The following GABRB2 variants were observed in gnomAD, a reference collection of about 807,000 sequenced individuals.
GABRB2 encodes gamma-aminobutyric acid type A receptor subunit beta2.
A neutral mutation model predicts 54.7 loss-of-function variants in GABRB2; 16 were observed. That is an observed-to-expected ratio of 0.29 (90% CI 0.20 to 0.44). The LOEUF is 0.44. GABRB2 is among the 20% of genes least tolerant of loss of function. The probability of loss-of-function intolerance (pLI) is 1.00; values close to 1 mark genes in which losing one functional copy is unlikely to be tolerated. For missense variants in GABRB2, 355 were observed against 644.0 expected (o/e 0.55, Z 4.86); for synonymous variants, 244 against 233.8 (o/e 1.04, Z -0.40).
At chr5:161,360,622 T>G (rs1279761894) in intron 5 of GABRB2, among the ~76,000 whole-genome samples, 1 of 152,152 alleles carries the variant, frequency 6.6e-6, no homozygotes, top group East Asian at 1.9e-4. Context: ...ATTGTTTTTA[T>G]GTAGAAATAT....
In GABRB2 at chr5:161,469,062, A is replaced by T. The variant is rs186698563; in HGVS notation, c.238-9218T>A. On this transcript the variant is annotated intron_variant, in intron 3 of 9. Coordinates refer to ENST00000393959, the MANE Select transcript of GABRB2 (RefSeq NM_001371727.1). ...ATATGTCCCAATTTGGGAAACATAC[A>T]TATAGATTGAGAAAATGTGTCCAAA... Among the ~76,000 whole-genome samples, 7 of 152,030 alleles carry T rather than the reference A, an allele frequency of 4.6e-5. No homozygotes were observed. In the East Asian group the frequency reaches 1.4e-3, roughly 29 times the overall value.
At chr5:161,363,715 G>C (rs906412925) in intron 5 of GABRB2, among the ~76,000 whole-genome samples, 4 of 151,798 alleles carry the variant, frequency 2.6e-5, no homozygotes, top group Admixed American at 2.6e-4. Context: ...AAAACAAAAA[G>C]AAACATTAGG....
chr5:161,545,197 A>C (rs188538461), intron 3 of GABRB2, 30 bp downstream of exon 3: 340 of 1,561,426 alleles, frequency 2.2e-4, no homozygotes, highest in Non-Finnish European at 2.9e-4. Flanking sequence ...GAAAGTTTGC[A>C]AAGAAGTAGT....
intron 4 of GABRB2, among the ~76,000 whole-genome samples, chr5:161,431,229 T>C (rs1393597328): frequency 6.6e-6 from 1 of 152,122 alleles, no homozygotes; most frequent in East Asian, 1.9e-4. Flanking sequence ...AGAGGATATA[T>C]ATGAAGTGCT....
At chr5:161,309,179 A>G (rs1034302943) in intron 9 of GABRB2, among the ~76,000 whole-genome samples, 5 of 152,224 alleles carry the variant, frequency 3.3e-5, no homozygotes, top group Non-Finnish European at 7.3e-5. Context: ...AAACAACTCT[A>G]TCAAAAAGTG....
chr5:161,387,563 G>A (rs1755685031), intron 5 of GABRB2, among the ~76,000 whole-genome samples: 1 of 152,164 alleles, frequency 6.6e-6, no homozygotes, highest in Non-Finnish European at 1.5e-5. Context: ...AATGTAAAGA[G>A]TGTCAGGTAT....
chr5:161,479,597 T>TG (rs200983043), intron 3 of GABRB2, among the ~76,000 whole-genome samples: 1,560 of 151,108 alleles, frequency 0.01, 25 homozygotes, highest in African/African-American at 0.035. Context: ...TTTTTTTTTT[T>TG]TTTTTTGAGG....
At chr5:161,441,834 G>A (rs1385638832) in intron 4 of GABRB2, among the ~76,000 whole-genome samples, 2 of 152,108 alleles carry the variant, frequency 1.3e-5, no homozygotes, top group African/African-American at 4.8e-5. Context: ...TATGTTAAGT[G>A]AATTAAGCCA....
chr5:161,420,626 G>C (rs1384489927), intron 4 of GABRB2, among the ~76,000 whole-genome samples: 1 of 152,326 alleles, frequency 6.6e-6, no homozygotes, highest in Admixed American at 6.5e-5. Context: ...AGGTTCCCTT[G>C]TCTGTCCCCT....
chr5:161,373,877 A>G lies in GABRB2; in HGVS notation c.541+37098T>C, dbSNP rs971666025. 3.3e-5 allele frequency among the ~76,000 whole-genome samples: 5 copies of G among 151,246 alleles called. No homozygotes were observed. The East Asian group carries it at 9.7e-4, about 29-fold the overall frequency. ...CACTCCCTTGAGTTCCTTCTTTACC[A>G]TCTCCTTCACGTTGTTGTCTCCAGT... On this transcript the variant is annotated intron_variant, in intron 5 of 9. Coordinates refer to ENST00000393959, the MANE Select transcript of GABRB2 (RefSeq NM_001371727.1).
chr5:161,451,065 A>G (rs1009847914), intron 4 of GABRB2, among the ~76,000 whole-genome samples: 9 of 152,216 alleles, frequency 5.9e-5, no homozygotes, highest in African/African-American at 2.2e-4. Flanking sequence ...GATAAAATAT[A>G]TTTCAGTGTG....
At chr5:161,322,504 G>T (rs1261698487) in intron 9 of GABRB2, among the ~76,000 whole-genome samples, 1 of 152,124 alleles carries the variant, frequency 6.6e-6, no homozygotes, top group Non-Finnish European at 1.5e-5. Flanking sequence ...CCAAAGTGCT[G>T]GGATCACAAG....
At chr5:161,397,890 C>G (rs1756052693) in intron 5 of GABRB2, among the ~76,000 whole-genome samples, 1 of 152,128 alleles carries the variant, frequency 6.6e-6, no homozygotes, top group African/African-American at 2.4e-5. Flanking sequence ...CTGTGTGACC[C>G]TTACTTAATC....
At chr5:161,432,431 A>T (rs924253170) in intron 4 of GABRB2, among the ~76,000 whole-genome samples, 8 of 152,146 alleles carry the variant, frequency 5.3e-5, no homozygotes, top group African/African-American at 1.9e-4. Context: ...AGTCAAATGG[A>T]TAGATTTATG....
intron 3 of GABRB2, among the ~76,000 whole-genome samples, chr5:161,539,489 T>A (rs1760746548): frequency 6.6e-6 from 1 of 152,316 alleles, no homozygotes; most frequent in Middle Eastern, 3.4e-3. Context: ...CTTCTTTATA[T>A]CCAATAGAGC....
At chr5:161,357,125 A>G (rs1754654831) in intron 5 of GABRB2, among the ~76,000 whole-genome samples, 1 of 152,210 alleles carries the variant, frequency 6.6e-6, no homozygotes, top group South Asian at 2.1e-4. Context: ...CTTTGGACAA[A>G]TGAAAAAGTA....
chr5:161,489,620 G>T (rs990647945), intron 3 of GABRB2, among the ~76,000 whole-genome samples: 1 of 151,548 alleles, frequency 6.6e-6, no homozygotes, highest in African/African-American at 2.4e-5. Flanking sequence ...ATTGATAAAG[G>T]TATATCAGGT....
chr5:161,490,836 C>A (rs534817286), intron 3 of GABRB2, among the ~76,000 whole-genome samples: 3 of 151,734 alleles, frequency 2.0e-5, no homozygotes, highest in Non-Finnish European at 4.4e-5. Flanking sequence ...TCCTTTCTCA[C>A]GTGCTTATTG....
At chr5:161,380,561 T>G (rs1755434074) in intron 5 of GABRB2, among the ~76,000 whole-genome samples, 1 of 151,728 alleles carries the variant, frequency 6.6e-6, no homozygotes, top group South Asian at 2.1e-4. Context: ...GGGAATGAGC[T>G]TCCTGGGCAG....
Sources: gnomAD v4.1 joint callset for allele counts (sites outside exome capture counted in the v4.1 genomes callset) on GRCh38, gnomAD v4.1.1 for gene constraint, MANE v1.5 for transcripts, NCBI Gene and HGNC (gene_info 2026-07-23, HGNC 2026-07-21) for gene names.